Variants in FNDC3B observed in about 807,000 individuals in gnomAD.
FNDC3B encodes the protein fibronectin type III domain containing 3B.
Under a neutral mutation model 151.5 loss-of-function variants are expected in FNDC3B, and 12 were observed. That is an observed-to-expected ratio of 0.08 (90% CI 0.05 to 0.13). FNDC3B has a LOEUF of 0.13. FNDC3B is among the 10% of genes least tolerant of loss of function. The pLI is 1.00. For missense variants in FNDC3B, 1,214 were observed against 1,505.3 expected (o/e 0.81, Z 3.20); for synonymous variants, 528 against 549.0 (o/e 0.96, Z 0.54).
chr3:172,146,148 A>T (rs1306823929), intron 3 of FNDC3B, among the ~76,000 whole-genome samples: 1 of 152,034 alleles, frequency 6.6e-6, no homozygotes, highest in Non-Finnish European at 1.5e-5. Flanking sequence ...AAAATATATA[A>T]AAAAAAGCAT....
intron 1 of FNDC3B, among the ~76,000 whole-genome samples, chr3:172,057,119 G>C (rs1236896797): frequency 6.6e-6 from 1 of 152,172 alleles, no homozygotes; most frequent in Non-Finnish European, 1.5e-5. Flanking sequence ...TAAGATCAAA[G>C]AAATGTTGTA....
chr3:172,297,657 G>T (rs1298443988), intron 8 of FNDC3B, among the ~76,000 whole-genome samples: 1 of 152,060 alleles, frequency 6.6e-6, no homozygotes, highest in Non-Finnish European at 1.5e-5. Flanking sequence ...TGTATTTTTA[G>T]TAGAGACGGG....
chr3:172,293,461 A>G (rs188025100), intron 7 of FNDC3B, among the ~76,000 whole-genome samples: 6 of 152,320 alleles, frequency 3.9e-5, no homozygotes, highest in Non-Finnish European at 4.4e-5. Flanking sequence ...TTATTTCCCT[A>G]GATTTTTTAT....
At chr3:172,239,574 T>A (rs1727361806) in intron 4 of FNDC3B, among the ~76,000 whole-genome samples, 1 of 152,114 alleles carries the variant, frequency 6.6e-6, no homozygotes. Flanking sequence ...TCTGCCCATT[T>A]CCTGGATCAT....
chr3:172,312,349 A>C (rs1425138904), intron 11 of FNDC3B, among the ~76,000 whole-genome samples: 2 of 152,206 alleles, frequency 1.3e-5, no homozygotes, highest in African/African-American at 4.8e-5. Context: ...TCTACAGATT[A>C]GGTGGATTTC....
chr3:172,210,659 T>C (rs962605047), intron 3 of FNDC3B, among the ~76,000 whole-genome samples: 1 of 152,184 alleles, frequency 6.6e-6, no homozygotes, highest in Non-Finnish European at 1.5e-5. Flanking sequence ...CCTGGCAAAA[T>C]CTGCACTTTT....
At chr3:172,242,106 C>T (rs1038092194) in intron 4 of FNDC3B, among the ~76,000 whole-genome samples, 9 of 152,230 alleles carry the variant, frequency 5.9e-5, no homozygotes, top group African/African-American at 1.9e-4. Context: ...CCTTTGACTC[C>T]ATGTCTCACA....
intron 25 of FNDC3B, among the ~76,000 whole-genome samples, chr3:172,394,906 T>C (rs1736200051): frequency 6.6e-6 from 1 of 152,152 alleles, no homozygotes; most frequent in African/African-American, 2.4e-5. Flanking sequence ...TCAAGTAGGA[T>C]TTATCCCTGG....
At chr3:172,222,446 T>G (rs950885664) in intron 3 of FNDC3B, among the ~76,000 whole-genome samples, 3 of 152,160 alleles carry the variant, frequency 2.0e-5, no homozygotes, top group Non-Finnish European at 4.4e-5. Flanking sequence ...CCAGAATGGG[T>G]GAATGTTGTG....
chr3:172,191,206 C>T (rs545092650), intron 3 of FNDC3B, among the ~76,000 whole-genome samples: 31 of 152,286 alleles, frequency 2.0e-4, no homozygotes, highest in Non-Finnish European at 3.5e-4. Context: ...TCTTTAGCCT[C>T]ATCACACTGA....
chr3:172,277,857 A>G (rs1465253865), intron 6 of FNDC3B, among the ~76,000 whole-genome samples: 2 of 152,068 alleles, frequency 1.3e-5, no homozygotes, highest in African/African-American at 4.8e-5. Context: ...TTACTCATTG[A>G]TATTACCTGC....
At chr3:172,174,716 G>A (rs1387440732) in intron 3 of FNDC3B, among the ~76,000 whole-genome samples, 1 of 152,008 alleles carries the variant, frequency 6.6e-6, no homozygotes, top group African/African-American at 2.4e-5. Context: ...GCAAAGGCAT[G>A]GTGAAATTTC....
rs371205013 is a variant in FNDC3B at position 172,231,797 on chromosome 3, G to A, written c.264+4850G>A. 2.3e-4 allele frequency among the ~76,000 whole-genome samples: 35 copies of A among 151,874 alleles called. No individual in the cohort carries two copies. The South Asian group carries it at 7.3e-3, about 32-fold the overall frequency. On this transcript the variant is annotated intron_variant, in intron 4 of 25. Transcript: ENST00000415807. ...TTTTTATTGCTTTCTGGCAGTGTGA[G>A]TGTGGGTGTGTGTTGTGCCTACTTA...
At chr3:172,246,460 T>C (rs1312388846) in intron 4 of FNDC3B, among the ~76,000 whole-genome samples, 1 of 152,268 alleles carries the variant, frequency 6.6e-6, no homozygotes, top group Non-Finnish European at 1.5e-5. Flanking sequence ...TGGTATCTGT[T>C]GTGTTAGTTA....
In FNDC3B at chr3:172,380,883, G is replaced by A. The variant is rs538501480; in HGVS notation, c.3176-83G>A. 28 of 1,480,446 alleles carry A rather than the reference G, an allele frequency of 1.9e-5. 1 individual carries two copies. In the Admixed American group the frequency reaches 4.8e-4, roughly 26 times the overall value. 91.7% of individuals were successfully genotyped at this position (1,480,446 alleles called of 1,614,324 possible). A position where few individuals can be genotyped will look rare whatever the true frequency, so the allele number is the denominator to read the frequency against. On this transcript the variant is annotated intron_variant, in intron 24 of 25. Transcript: ENST00000415807. ...CACAGGCACAATCTTGCTCTCTCTG[G>A]GTTCTCACTAATAGTGCTAAAGTGT...
At chr3:172,197,791 C>T (rs950747389) in intron 3 of FNDC3B, among the ~76,000 whole-genome samples, 4 of 152,218 alleles carry the variant, frequency 2.6e-5, no homozygotes, top group Non-Finnish European at 5.9e-5. Flanking sequence ...TGACACTGTG[C>T]TCTCATTGCA....
At chr3:172,284,983 T>C (rs1729935061) in intron 6 of FNDC3B, among the ~76,000 whole-genome samples, 1 of 152,066 alleles carries the variant, frequency 6.6e-6, no homozygotes, top group Admixed American at 6.6e-5. Context: ...TGCAGATTCT[T>C]AAGTTCTATC....
At chr3:172,243,007 A>C (rs967106108) in intron 4 of FNDC3B, among the ~76,000 whole-genome samples, 1 of 152,172 alleles carries the variant, frequency 6.6e-6, no homozygotes, top group African/African-American at 2.4e-5. Context: ...AAGTCCCACA[A>C]ATCTCTAGGG....
At chr3:172,156,069 A>T (rs994252585) in intron 3 of FNDC3B, among the ~76,000 whole-genome samples, 6 of 152,118 alleles carry the variant, frequency 3.9e-5, no homozygotes, top group African/African-American at 1.4e-4. Context: ...GTAGGAGGCC[A>T]TGTCAGTGGG....
Sources: allele counts gnomAD v4.1 joint callset (sites outside exome capture counted in the v4.1 genomes callset), GRCh38; gene constraint gnomAD v4.1.1; transcripts MANE v1.5; gene names NCBI Gene and HGNC (gene_info 2026-07-23, HGNC 2026-07-21).